Variants in ATP11B observed in about 807,000 individuals in gnomAD.
ATP11B encodes the protein ATPase phospholipid transporting 11B (putative).
Under a neutral mutation model 157.8 loss-of-function variants are expected in ATP11B, and 81 were observed. That is an observed-to-expected ratio of 0.51 (90% confidence interval 0.43 to 0.62). The LOEUF (loss-of-function observed/expected upper bound fraction) is 0.62. Ranked by LOEUF, ATP11B falls within the 20% of genes least tolerant of loss-of-function variation. The pLI is 0.00. For missense variants in ATP11B, 1,165 were observed against 1,402.2 expected, an observed-to-expected ratio of 0.83 and a Z score of 2.70; for synonymous variants, 451 against 469.4, an observed-to-expected ratio of 0.96 and a Z score of 0.51.
intron 22 of ATP11B, among the ~76,000 whole-genome samples, chr3:182,885,528 A>T (rs938797637): frequency 7.9e-5 from 12 of 152,154 alleles, no homozygotes; most frequent in Admixed American, 2.0e-4. Flanking sequence ...TTTTACTTGT[A>T]ATATGAGTAT....
intron 10 of ATP11B, 61 bp downstream of exon 10, chr3:182,848,618 G>T: frequency 2.4e-6 from 2 of 831,996 alleles, no homozygotes; most frequent in South Asian, 3.0e-5. Flanking sequence ...TTATTCGTTT[G>T]GTATAAAATA....
At chr3:182,856,936 T>C (rs1720449391) in intron 10 of ATP11B, among the ~76,000 whole-genome samples, 1 of 152,222 alleles carries the variant, frequency 6.6e-6, no homozygotes, top group South Asian at 2.1e-4. Context: ...TTGCATACAT[T>C]TGAATTTATA....
intron 19 of ATP11B, among the ~76,000 whole-genome samples, chr3:182,877,345 A>G (rs971457484): frequency 2.0e-5 from 3 of 152,186 alleles, no homozygotes; most frequent in African/African-American, 7.2e-5. Context: ...GAGGCTGGGC[A>G]CAGTGGCTCA....
In ATP11B at chr3:182,884,677, A is replaced by G. The variant is rs1271817136; in HGVS notation, c.2510-76A>G. The G allele has an allele frequency of 3.5e-6, 5 of 1,410,412 alleles. No homozygotes were observed. The East Asian group carries it at 9.6e-5, about 27-fold the overall frequency. The allele number at this position is 1,410,412 out of a possible 1,614,324, so 87.4% of individuals were successfully genotyped here. On this transcript the variant is annotated intron_variant, in intron 21 of 29. Coordinates refer to ENST00000323116, the MANE Select transcript of ATP11B (RefSeq NM_014616.3). ...CTAAGTGCATGTTCAACTATTATAA[A>G]TAATTAAGATATTTGCAGATTTATC...
At position 182,865,623 on chromosome 3, in the gene ATP11B, A is replaced by G. The variant is rs1287964847; in HGVS notation, c.1368A>G (p.Leu456=). Residue 456 remains leucine (L), a synonymous_variant, in exon 13 of 30, where the codon TTA becomes TTG. Transcript: ENST00000323116. ...SEGNLSYLSS[L]SHLNNLSHLT... ...GAAACTTATCTTATCTTAGTAGTTTATCCCATCTTAACAACTTATCCCATC... is the reference window on the plus strand; with the variant it reads ...GAAACTTATCTTATCTTAGTAGTTTGTCCCATCTTAACAACTTATCCCATC... The G allele has an allele frequency of 6.2e-7, 1 of 1,613,592 alleles. No homozygotes were observed. The highest frequency in any genetic ancestry group is 8.5e-7 in the Non-Finnish European group (1 of 1,179,708).
In ATP11B at chr3:182,918,870, A is replaced by AT. The variant is rs1725297346; in HGVS notation, c.*767dup. ...TTTTGTGACAGAGTATAAAGACCCT[A>AT]TAGTGGGTAAATTAGATACTATTAG... On this transcript the variant is annotated 3_prime_UTR_variant, in exon 30 of 30. Transcript: ENST00000323116. 6.6e-6 allele frequency: 1 copy of AT among 152,540 alleles called. No individual in the cohort carries two copies. Among genetic ancestry groups the AT allele is most frequent in the African/African-American group, 2.4e-5 (1 of 41,486 alleles). 9.4% of individuals were successfully genotyped at this position (152,540 alleles called of 1,614,324 possible). A position where few individuals can be genotyped will look rare whatever the true frequency, so the allele number is the denominator to read the frequency against.
At chr3:182,891,280 T>C (rs1415509269) in intron 25 of ATP11B, among the ~76,000 whole-genome samples, 1 of 152,232 alleles carries the variant, frequency 6.6e-6, no homozygotes, top group African/African-American at 2.4e-5. Context: ...GTTAAAGATC[T>C]TGTATTGCTA....
At chr3:182,850,037 A>G (rs1337708256) in intron 10 of ATP11B, among the ~76,000 whole-genome samples, 2 of 152,224 alleles carry the variant, frequency 1.3e-5, no homozygotes, top group Non-Finnish European at 2.9e-5. Context: ...TAAATGAATA[A>G]CAATATAAGC....
intron 19 of ATP11B, 42 bp downstream of exon 19, chr3:182,874,057 C>A: frequency 6.4e-7 from 1 of 1,564,310 alleles, no homozygotes; most frequent in Non-Finnish European, 8.7e-7. Flanking sequence ...CAGGGGTTAG[C>A]AAACTATGGT....
At chr3:182,836,592 C>G in intron 6 of ATP11B, 122 bp downstream of exon 6, 2 of 1,136,618 alleles carry the variant, frequency 1.8e-6, no homozygotes, top group Admixed American at 2.5e-5. Context: ...TTTAAAATTA[C>G]TATTTCAAAA....
chr3:182,876,005 GGGAGGCTGA>G (rs1206337685), intron 19 of ATP11B, among the ~76,000 whole-genome samples: 1 of 152,028 alleles, frequency 6.6e-6, no homozygotes, highest in Non-Finnish European at 1.5e-5. Context: ...CCAACACCCT[GGGAGGCTGA>G]GGTGGATCGC....
intron 25 of ATP11B, among the ~76,000 whole-genome samples, chr3:182,893,535 G>A (rs112986141): frequency 0.09 from 13,658 of 152,048 alleles, 647 homozygotes; most frequent in Non-Finnish European, 0.1. Context: ...CCTTTTTATG[G>A]CTGAGTTGTA....
intron 28 of ATP11B, chr3:182,908,359 C>T (rs1428644451): frequency 6.6e-6 from 1 of 151,692 alleles, no homozygotes. Context: ...ACACACGCAG[C>T]TAATTTTTGT....
At chr3:182,870,707 C>G (rs1356181874) in intron 17 of ATP11B, among the ~76,000 whole-genome samples, 10 of 152,070 alleles carry the variant, frequency 6.6e-5, no homozygotes, top group African/African-American at 2.4e-4. Flanking sequence ...GGCGCGGTGG[C>G]TCACACCTGT....
At chr3:182,903,375 T>C (rs9859527) in intron 28 of ATP11B, among the ~76,000 whole-genome samples, 8,390 of 152,210 alleles carry the variant, frequency 0.055, 784 homozygotes, top group African/African-American at 0.19. Context: ...TTCTCTATGT[T>C]CATTTGAATT....
At chr3:182,815,181 G>A (rs559181009) in intron 1 of ATP11B, among the ~76,000 whole-genome samples, 13 of 152,090 alleles carry the variant, frequency 8.5e-5, no homozygotes, top group Non-Finnish European at 1.9e-4. Flanking sequence ...TTGGAAGACC[G>A]GACTGGTCTG....
intron 1 of ATP11B, among the ~76,000 whole-genome samples, chr3:182,806,988 G>A (rs1716366044): frequency 6.6e-6 from 1 of 151,712 alleles, no homozygotes; most frequent in Non-Finnish European, 1.5e-5. Context: ...CAGAGGCTCA[G>A]CTCCTGATTA....
Position 182,890,587 on chromosome 3 carries a change from T to C in ATP11B, c.2982+1039T>C, listed in dbSNP as rs554426516. On this transcript the variant is annotated intron_variant, in intron 25 of 29. Coordinates refer to ENST00000323116, the MANE Select transcript of ATP11B (RefSeq NM_014616.3). The stretch of plus-strand genomic sequence containing the variant: ...AACCTTGCAAAATCCCTTTACCTTA[T>C]AGAGTAGGGACATAAATATAATTGC... Among the ~76,000 whole-genome samples, 5 of 152,308 alleles carry C rather than the reference T, an allele frequency of 3.3e-5. No homozygotes were observed. The East Asian group carries it at 9.7e-4, about 29-fold the overall frequency.
chr3:182,863,605 T>G (rs1721014747), intron 12 of ATP11B, among the ~76,000 whole-genome samples: 1 of 152,124 alleles, frequency 6.6e-6, no homozygotes, highest in Non-Finnish European at 1.5e-5. Context: ...CATATTCTTC[T>G]GTGCTCTTTC....
Sources: allele counts gnomAD v4.1 joint callset (sites outside exome capture counted in the v4.1 genomes callset), GRCh38; gene constraint gnomAD v4.1.1; transcripts MANE v1.5; gene names NCBI Gene and HGNC (gene_info 2026-07-23, HGNC 2026-07-21).